The following TOP1 variants were observed in gnomAD, a reference collection of about 807,000 sequenced individuals.
TOP1 encodes DNA topoisomerase 1.
Under a neutral mutation model 111.1 loss-of-function variants are expected in TOP1, and 10 were observed. The observed-to-expected ratio is 0.09, with a 90% confidence interval of 0.06 to 0.15. TOP1 has a LOEUF of 0.15. TOP1 is among the 10% of genes least tolerant of loss of function. TOP1 has a pLI of 1.00. For synonymous variants in TOP1, 271 were observed against 302.9 expected, an observed-to-expected ratio of 0.89 and a Z score of 1.10; for missense variants, 474 against 926.7, an observed-to-expected ratio of 0.51 and a Z score of 6.34.
At chr20:41,062,275 A>C (rs1220764474) in intron 3 of TOP1, among the ~76,000 whole-genome samples, 1 of 152,208 alleles carries the variant, frequency 6.6e-6, no homozygotes, top group Non-Finnish European at 1.5e-5. Context: ...ACATTAGAAC[A>C]AGTGTCTCCA....
rs1343036481 is a variant in TOP1 at position 41,094,665 on chromosome 20, A to C, written c.730+2078A>C. Among the ~76,000 whole-genome samples, 4 of 152,182 alleles carry C rather than the reference A, an allele frequency of 2.6e-5. No individual in the cohort carries two copies. Among genetic ancestry groups the C allele is most frequent in the African/African-American group, 9.7e-5 (4 of 41,450 alleles). The stretch of plus-strand genomic sequence containing the variant: ...TTGATTGTGTGAACTCTTACTCTGC[A>C]GTAAGTCAAGAAGTCATATTTGACT... On this transcript the variant is annotated intron_variant, in intron 9 of 20. Transcript: ENST00000361337. This position sits in a 1 kb window ranked among gnomAD's most constrained non-coding sequence, Gnocchi z 4.4.
chr20:41,039,445 G>A (rs1388470195), intron 2 of TOP1, among the ~76,000 whole-genome samples: 1 of 151,966 alleles, frequency 6.6e-6, no homozygotes, highest in Non-Finnish European at 1.5e-5. Context: ...GATTTCCAAA[G>A]ATTTCCAAAC....
rs1007539674 is a variant in TOP1 at position 41,028,846 on chromosome 20, C to T, written c.-222C>T. ...CCAAATGCGAACTTAGGCTGTTACA[C>T]AACTGCTGGGGTCTGTTCTCGCCGC... On this transcript the variant is annotated 5_prime_UTR_variant, in exon 1 of 21. Transcript: ENST00000361337. 5.6e-6 allele frequency: 3 copies of T among 534,750 alleles called. No homozygotes were observed. Among genetic ancestry groups the T allele is most frequent in the Non-Finnish European group, 6.6e-6 (2 of 304,194 alleles). 33.1% of individuals were successfully genotyped at this position (534,750 alleles called of 1,614,324 possible).
Position 41,101,314 on chromosome 20 carries a change from C to T in TOP1, c.1269C>T (p.Ser423=). The change falls in exon 13 of 21, where the codon TCC becomes TCT. Residue 423 remains serine (S), a synonymous_variant. Coordinates refer to ENST00000361337, the MANE Select transcript of TOP1 (RefSeq NM_003286.4). The surrounding 1 kb of genome is among the most constrained non-coding windows in gnomAD (Gnocchi z 4.1). ...LVSWTENIQG[S]IKYIMLNPSS... The stretch of plus-strand genomic sequence containing the variant: ...CCTGGACAGAGAACATCCAAGGTTC[C>T]ATTAAATACATCATGCTTAACCCTA... 6.2e-7 allele frequency: 1 copy of T among 1,614,086 alleles called. No homozygotes were observed. Among genetic ancestry groups the T allele is most frequent in the Non-Finnish European group, 8.5e-7 (1 of 1,179,992 alleles).
Position 41,097,829 on chromosome 20 carries a change from A to T in TOP1, c.853-386A>T, listed in dbSNP as rs1403898720. Among the ~76,000 whole-genome samples the T allele has an allele frequency of 6.6e-6, 1 of 152,216 alleles. No individual in the cohort carries two copies. The highest frequency in any genetic ancestry group is 1.9e-4 in the East Asian group (1 of 5,204). On this transcript the variant is annotated intron_variant, in intron 10 of 20. Coordinates refer to ENST00000361337, the MANE Select transcript of TOP1 (RefSeq NM_003286.4). This position sits in a 1 kb window ranked among gnomAD's most constrained non-coding sequence, Gnocchi z 4.2. ...GTGGACAGAGGCAGCAGTAAAGTTT[A>T]CTTCCTGAACTAGCTCAGAAAAAGC...
intron 2 of TOP1, among the ~76,000 whole-genome samples, chr20:41,041,046 C>T (rs1431168926): frequency 1.3e-5 from 2 of 152,094 alleles, no homozygotes; most frequent in Non-Finnish European, 2.9e-5. Flanking sequence ...ACTCCATTTC[C>T]TTTCTAGGGA....
chr20:41,100,380 G>A lies in TOP1; in HGVS notation c.1163+137G>A. ...GAGCAGGACAGTATTTCATGCGTAG[G>A]TCTCCAGATGTTTTTGAGGTACAGT... On this transcript the variant is annotated intron_variant, in intron 12 of 20. Transcript: ENST00000361337. The surrounding 1 kb of genome is among the most constrained non-coding windows in gnomAD (Gnocchi z 4.4). 1 of 630,940 alleles carries A rather than the reference G, an allele frequency of 1.6e-6. No homozygotes were observed. The highest frequency in any genetic ancestry group is 3.1e-5 in the South Asian group (1 of 32,670). 39.1% of individuals were successfully genotyped at this position (630,940 alleles called of 1,614,324 possible).
intron 2 of TOP1, among the ~76,000 whole-genome samples, chr20:41,047,982 C>A (rs941692163): frequency 6.6e-6 from 1 of 152,124 alleles, no homozygotes; most frequent in Admixed American, 6.5e-5. Context: ...GCTGTGCCAC[C>A]CCTTAAGTAG....
At position 41,100,377 on chromosome 20, in the gene TOP1, T is replaced by C; in HGVS notation, c.1163+134T>C. ...TAAGAGCAGGACAGTATTTCATGCG[T>C]AGGTCTCCAGATGTTTTTGAGGTAC... is the stretch of plus-strand genomic sequence containing the variant. On this transcript the variant is annotated intron_variant, in intron 12 of 20. Transcript: ENST00000361337. The surrounding 1 kb of genome is among the most constrained non-coding windows in gnomAD (Gnocchi z 4.4). The C allele has an allele frequency of 1.5e-6, 1 of 655,624 alleles. No individual in the cohort carries two copies. The highest frequency in any genetic ancestry group is 2.5e-6 in the Non-Finnish European group (1 of 405,412). The allele number at this position is 655,624 out of a possible 1,614,324, so 40.6% of individuals were successfully genotyped here.
In TOP1 at chr20:41,034,570, T is replaced by C. The variant is rs1181055197; in HGVS notation, c.58+5115T>C. Among the ~76,000 whole-genome samples, 1 of 152,150 alleles carries C rather than the reference T, an allele frequency of 6.6e-6. No homozygotes were observed. Among genetic ancestry groups the C allele is most frequent in the African/African-American group, 2.4e-5 (1 of 41,432 alleles). On this transcript the variant is annotated intron_variant, in intron 2 of 20. Transcript: ENST00000361337. The surrounding 1 kb of genome is among the most constrained non-coding windows in gnomAD (Gnocchi z 4.0). ...CTTGTAGAGGAATGTCTGTTAGATA[T>C]TGATGGTATTTTGGTGGCGTTATGA...
rs1043641059 is a variant in TOP1, at chr20:41,110,483, G to A, written c.1309-2299G>A. 2.0e-5 allele frequency among the ~76,000 whole-genome samples: 3 copies of A among 152,276 alleles called. No individual in the cohort carries two copies. The highest frequency in any genetic ancestry group is 3.9e-4 in the East Asian group (2 of 5,186). On this transcript the variant is annotated intron_variant, in intron 13 of 20. Coordinates refer to ENST00000361337, the MANE Select transcript of TOP1 (RefSeq NM_003286.4). This position sits in a 1 kb window ranked among gnomAD's most constrained non-coding sequence, Gnocchi z 4.2. ...AAATGTCCTCTTCCCCATTACAAAC[G>A]TCTGAGAAAGTTACTAGAAAACAGA...
At chr20:41,041,948 G>A (rs113966375) in intron 2 of TOP1, among the ~76,000 whole-genome samples, 14,337 of 152,026 alleles carry the variant, frequency 0.094, 924 homozygotes, top group African/African-American at 0.18. Context: ...TCCCTTTGTC[G>A]CCCAGGCTGG....
At position 41,098,458 on chromosome 20, in the gene TOP1, A is replaced by C; in HGVS notation, c.975+121A>C. On this transcript the variant is annotated intron_variant, in intron 11 of 20. Coordinates refer to ENST00000361337, the MANE Select transcript of TOP1 (RefSeq NM_003286.4). This position sits in a 1 kb window ranked among gnomAD's most constrained non-coding sequence, Gnocchi z 5.7. ...GTAATTTCACATCATTCTATGCTAA[A>C]GACTTAGAGTTCTCAAAGTCTAAAT... The C allele has an allele frequency of 1.8e-6, 2 of 1,137,064 alleles. No individual in the cohort carries two copies. Among genetic ancestry groups the C allele is most frequent in the Middle Eastern group, 2.0e-4 (1 of 4,888 alleles). The allele number at this position is 1,137,064 out of a possible 1,614,324, so 70.4% of individuals were successfully genotyped here.
intron 3 of TOP1, among the ~76,000 whole-genome samples, chr20:41,074,108 G>A (rs1453996572): frequency 6.6e-6 from 1 of 151,992 alleles, no homozygotes; most frequent in Admixed American, 6.6e-5. Flanking sequence ...CAGCAACCTT[G>A]CTCTTTGACC....
At chr20:41,045,735 T>C (rs1411073024) in intron 2 of TOP1, among the ~76,000 whole-genome samples, 1 of 152,234 alleles carries the variant, frequency 6.6e-6, no homozygotes, top group South Asian at 2.1e-4. Flanking sequence ...TTATCAGTAA[T>C]AAGTCAATAT....
intron 3 of TOP1, among the ~76,000 whole-genome samples, chr20:41,073,739 C>G (rs1600573148): frequency 6.6e-6 from 1 of 152,154 alleles, no homozygotes; most frequent in Admixed American, 6.5e-5. Context: ...ATAATAAAAC[C>G]TGCCTCACAG....
chr20:41,048,337 A>G (rs927012625), intron 2 of TOP1, among the ~76,000 whole-genome samples: 1 of 152,206 alleles, frequency 6.6e-6, no homozygotes, highest in African/African-American at 2.4e-5. Context: ...TTGTGTTAAA[A>G]TATCTGAGGA....
At chr20:41,072,403 A>T in intron 3 of TOP1, 1 of 985,408 alleles carries the variant, frequency 1.0e-6, no homozygotes, top group Non-Finnish European at 1.2e-6. Context: ...TGAAAGTCAA[A>T]CATATCCTAA....
intron 3 of TOP1, among the ~76,000 whole-genome samples, chr20:41,064,156 A>G (rs1442821654): frequency 6.6e-6 from 1 of 152,150 alleles, no homozygotes; most frequent in African/African-American, 2.4e-5. Context: ...AGCATCATTT[A>G]TTGAATAGGG....
Sources: allele counts gnomAD v4.1 joint callset (sites outside exome capture counted in the v4.1 genomes callset), GRCh38; gene constraint gnomAD v4.1.1; non-coding constraint Gnocchi (gnomAD v3.1); transcripts MANE v1.5; gene names NCBI Gene and HGNC (gene_info 2026-07-23, HGNC 2026-07-21).